ABR: variants seen among roughly 807,000 people sequenced by gnomAD.
The protein encoded by ABR is active breakpoint cluster region-related protein.
Under a neutral mutation model 107.2 loss-of-function variants are expected in ABR, and 35 were observed. The ratio of observed to expected loss-of-function variants is 0.33; its 90% CI spans 0.25 to 0.43. ABR has a LOEUF of 0.43. Ranked by LOEUF, ABR falls within the 20% of genes least tolerant of loss-of-function variation. The probability of loss-of-function intolerance (pLI) is 1.00; values close to 1 mark genes in which losing one functional copy is unlikely to be tolerated. For missense variants in ABR, 815 were observed against 1,115.2 expected, an observed-to-expected ratio of 0.73 and a Z score of 3.83; for synonymous variants, 498 against 462.0, an observed-to-expected ratio of 1.08 and a Z score of -1.00.
At chr17:1,114,713 C>A (rs2038903670) in intron 2 of ABR, among the ~76,000 whole-genome samples, 1 of 151,936 alleles carries the variant, frequency 6.6e-6, no homozygotes, top group Admixed American at 6.6e-5. Flanking sequence ...GCGGAGGTTG[C>A]AGTGAGCCGA....
In ABR at chr17:1,074,504, T is replaced by C. The variant is rs536184543; in HGVS notation, c.701-827A>G. ...CAGAATGGGGGAAGGAGACATGCTG[T>C]GTTTCCAGGAAGGGCAGCTCTCCAG... is the stretch of plus-strand genomic sequence containing the variant. On this transcript the variant is annotated intron_variant, in intron 6 of 22. Coordinates refer to ENST00000302538, the MANE Select transcript of ABR (RefSeq NM_021962.5). Among the ~76,000 whole-genome samples the C allele has an allele frequency of 3.3e-5, 5 of 152,354 alleles. No homozygotes were observed. In the South Asian group the frequency reaches 1.0e-3, roughly 32 times the overall value.
intron 1 of ABR, among the ~76,000 whole-genome samples, chr17:1,197,378 G>A (rs558589594): frequency 6.6e-6 from 1 of 151,588 alleles, no homozygotes; most frequent in South Asian, 2.1e-4. Flanking sequence ...TCAGCCCCAT[G>A]CCCCATTTTT....
intron 1 of ABR, among the ~76,000 whole-genome samples, chr17:1,176,705 GT>G: frequency 6.6e-6 from 1 of 152,094 alleles, no homozygotes; most frequent in Non-Finnish European, 1.5e-5. Context: ...ACTTAGCTGG[GT>G]TGTGGTGGCA....
chr17:1,213,893 T>G (rs1013361499), intron 1 of ABR, among the ~76,000 whole-genome samples: 2 of 151,898 alleles, frequency 1.3e-5, no homozygotes, highest in African/African-American at 2.4e-5. Context: ...AAATGGTTTG[T>G]TTTTTGTTTT....
At chr17:1,129,821 C>T (rs1361965905) in intron 1 of ABR, among the ~76,000 whole-genome samples, 1 of 152,136 alleles carries the variant, frequency 6.6e-6, no homozygotes, top group African/African-American at 2.4e-5. Flanking sequence ...ATGGCGGGTG[C>T]CTGTAATCCC....
Position 1,058,863 on chromosome 17 carries a change from G to A in ABR, c.1187C>T (p.Ala396Val). 1 of 1,614,088 alleles carries A rather than the reference G, an allele frequency of 6.2e-7. No homozygotes were observed. Among genetic ancestry groups the A allele is most frequent in the Non-Finnish European group, 8.5e-7 (1 of 1,179,988 alleles). Residue 396 changes from alanine to valine, a missense_variant, in exon 11 of 23, where the codon GCC becomes GTC. This residue lies in a region of ABR where 385 missense variants were observed against 596.9 expected (regional missense o/e 0.64). Coordinates refer to ENST00000302538, the MANE Select transcript of ABR (RefSeq NM_021962.5). ...ALKSEIQKEK[A>V]NKGQSRAIER... ...GATGGCCCGGCTCTGGCCTTTGTTGGCTTTCTGCAGGAGATGGGGACACAG... is the reference window on the plus strand; with the variant it reads ...GATGGCCCGGCTCTGGCCTTTGTTGACTTTCTGCAGGAGATGGGGACACAG...
chr17:1,118,205 T>A (rs1454306478), intron 2 of ABR, among the ~76,000 whole-genome samples: 3 of 73,432 alleles, frequency 4.1e-5, no homozygotes, highest in South Asian at 4.9e-4. Context: ...CCCAGCGTTA[T>A]CCCTGAGCCT....
At chr17:1,100,533 G>A (rs965071780) in intron 3 of ABR, 104 bp downstream of exon 3, 2 of 1,089,950 alleles carry the variant, frequency 1.8e-6, no homozygotes, top group East Asian at 2.4e-5. Flanking sequence ...GGAGGGACGG[G>A]TACGGTCCCC....
chr17:1,064,202 C>A (rs55730520), intron 10 of ABR, among the ~76,000 whole-genome samples: 1 of 62,614 alleles, frequency 1.6e-5, no homozygotes, highest in Non-Finnish European at 3.3e-5. Flanking sequence ...ACTGTTGTTA[C>A]GTGAACTGAG....
rs1023884825 is a variant in ABR, at chr17:1,179,462, G to A, written c.61+205C>T. On this transcript the variant is annotated intron_variant, in intron 1 of 22. Coordinates refer to ENST00000302538, the MANE Select transcript of ABR (RefSeq NM_021962.5). This position sits in a 1 kb window ranked among gnomAD's most constrained non-coding sequence, Gnocchi z 4.9. ...CGCCCGCGCCCCCCAGACCAGCCCG[G>A]CTCCTGGGTCCCGACCCCGATCCCG... is the stretch of plus-strand genomic sequence containing the variant. 2.6e-5 allele frequency among the ~76,000 whole-genome samples: 4 copies of A among 151,606 alleles called. No homozygotes were observed. Among genetic ancestry groups the A allele is most frequent in the African/African-American group, 9.7e-5 (4 of 41,292 alleles).
intron 2 of ABR, among the ~76,000 whole-genome samples, chr17:1,121,783 T>C (rs1289232372): frequency 6.6e-6 from 1 of 152,166 alleles, no homozygotes; most frequent in East Asian, 1.9e-4. Flanking sequence ...GTCTGAGAGC[T>C]GCTCACAGTG....
chr17:1,120,530 C>T (rs189248613), intron 2 of ABR, among the ~76,000 whole-genome samples: 15 of 152,308 alleles, frequency 9.8e-5, no homozygotes, highest in African/African-American at 2.9e-4. Flanking sequence ...CCACCCACCT[C>T]GGCCTCCCAA....
At position 1,078,310 on chromosome 17, in the gene ABR, T is replaced by C. The variant is rs1007589856; in HGVS notation, c.700+1020A>G. The stretch of plus-strand genomic sequence containing the variant: ...TGCTGCATGTGCGCGGAGCACACAA[T>C]ACCGTGCCGCCCAGCCTCCGCGCCT... On this transcript the variant is annotated intron_variant, in intron 6 of 22. Coordinates refer to ENST00000302538, the MANE Select transcript of ABR (RefSeq NM_021962.5). The surrounding 1 kb of genome is among the most constrained non-coding windows in gnomAD (Gnocchi z 7.5). Among the ~76,000 whole-genome samples, 1 of 152,074 alleles carries C rather than the reference T, an allele frequency of 6.6e-6. No homozygotes were observed. Among genetic ancestry groups the C allele is most frequent in the Non-Finnish European group, 1.5e-5 (1 of 67,990 alleles).
chr17:1,198,823 G>A (rs62088678), intron 1 of ABR, among the ~76,000 whole-genome samples: 47,877 of 77,110 alleles, frequency 0.62, 9,392 homozygotes, highest in Non-Finnish European at 0.64. Context: ...TTTAATAGAG[G>A]TGGGTTTCAC....
chr17:1,078,791 C>T lies in ABR; in HGVS notation c.700+539G>A. Reference sequence around the variant, plus strand: ...CCAGAGGTGGGAGGGTCCGCCACCTCCCACAGCGAGCACCTGGGTTACCAT... The same window carrying T: ...CCAGAGGTGGGAGGGTCCGCCACCTTCCACAGCGAGCACCTGGGTTACCAT... On this transcript the variant is annotated intron_variant, in intron 6 of 22. Coordinates refer to ENST00000302538, the MANE Select transcript of ABR (RefSeq NM_021962.5). This position sits in a 1 kb window ranked among gnomAD's most constrained non-coding sequence, Gnocchi z 7.5. The T allele has an allele frequency of 6.5e-7, 1 of 1,535,186 alleles. No homozygotes were observed. Among genetic ancestry groups the T allele is most frequent in the South Asian group, 1.2e-5 (1 of 84,032 alleles).
chr17:1,065,110 C>G (rs1247340701), intron 10 of ABR, among the ~76,000 whole-genome samples: 1 of 74,056 alleles, frequency 1.4e-5, no homozygotes, highest in African/African-American at 5.3e-5. Flanking sequence ...GTTACGTGAA[C>G]TGAGGGCTAT....
intron 3 of ABR, among the ~76,000 whole-genome samples, chr17:1,095,556 C>G (rs962841507): frequency 6.6e-6 from 1 of 152,144 alleles, no homozygotes; most frequent in African/African-American, 2.4e-5. Context: ...TCTGCCAAAG[C>G]GCTAGCACAC....
At chr17:1,079,255 C>A in intron 6 of ABR, 75 bp downstream of exon 6, 1 of 1,553,208 alleles carries the variant, frequency 6.4e-7, no homozygotes, top group East Asian at 2.4e-5. Context: ...GGAAGGGCGC[C>A]GCGTTCACGC....
At position 1,009,764 on chromosome 17, in the gene ABR, T is replaced by C; in HGVS notation, c.2257A>G (p.Lys753Glu). The change falls in exon 21 of 23, where the codon AAG becomes GAG. Residue 753 changes from lysine to glutamate, a missense_variant. Transcript: ENST00000302538. ...EGIALSDPAA[K>E]ENCMMHLLRS... ...AGCAGGTGCATCATGCAGTTTTCCT[T>C]GGCAGCAGGGTCTGACAGGGCTGTG... is the stretch of plus-strand genomic sequence containing the variant. 1 of 1,614,066 alleles carries C rather than the reference T, an allele frequency of 6.2e-7. No individual in the cohort carries two copies. The highest frequency in any genetic ancestry group is 8.5e-7 in the Non-Finnish European group (1 of 1,180,010).
Sources: allele counts gnomAD v4.1 joint callset (sites outside exome capture counted in the v4.1 genomes callset), GRCh38; gene constraint gnomAD v4.1.1; regional missense constraint gnomAD v4.1.1; non-coding constraint Gnocchi (gnomAD v3.1); transcripts MANE v1.5; gene names NCBI Gene and HGNC (gene_info 2026-07-23, HGNC 2026-07-21).